The following NME7 variants were observed in gnomAD, a reference collection of about 807,000 sequenced individuals.
The protein encoded by NME7 is NME/NM23 family member 7, also known as nucleoside diphosphate kinase 7.
Under a neutral mutation model 49.1 loss-of-function variants are expected in NME7, and 41 were observed. That is an observed-to-expected ratio of 0.83 (90% confidence interval 0.65 to 1.08). NME7 has a LOEUF of 1.08. NME7 is among the 50% of genes least tolerant of loss of function. NME7 has a pLI of 0.00. For missense variants in NME7, 423 were observed against 463.4 expected (o/e 0.91, Z 0.80); for synonymous variants, 139 against 150.6 (o/e 0.92, Z 0.56).
chr1:169,359,316 G>C (rs1301089859), intron 1 of NME7, among the ~76,000 whole-genome samples: 2 of 151,068 alleles, frequency 1.3e-5, no homozygotes, highest in Non-Finnish European at 1.5e-5. Flanking sequence ...TCCTCAATTG[G>C]TTGAATCTGG....
At chr1:169,157,083 G>A (rs1659098264) in intron 11 of NME7, among the ~76,000 whole-genome samples, 1 of 152,140 alleles carries the variant, frequency 6.6e-6, no homozygotes, top group South Asian at 2.1e-4. Flanking sequence ...ACATTTTTGG[G>A]ATGCTGCAGT....
chr1:169,152,779 T>A (rs1658948817), intron 11 of NME7, among the ~76,000 whole-genome samples: 1 of 152,166 alleles, frequency 6.6e-6, no homozygotes, highest in East Asian at 1.9e-4. Context: ...CCATTACTCC[T>A]ATTATCTACT....
At chr1:169,236,022 C>G (rs867667109) in intron 8 of NME7, among the ~76,000 whole-genome samples, 27 of 151,874 alleles carry the variant, frequency 1.8e-4, no homozygotes, top group Non-Finnish European at 7.4e-5. Context: ...GGATTGAAGA[C>G]CCACTGAGAA....
intron 7 of NME7, among the ~76,000 whole-genome samples, chr1:169,270,953 G>A (rs1649471185): frequency 7.5e-6 from 1 of 133,614 alleles, no homozygotes; most frequent in South Asian, 2.3e-4. Context: ...AAACAATACT[G>A]AGAACATAAT....
intron 10 of NME7, among the ~76,000 whole-genome samples, chr1:169,222,384 A>C (rs1431640077): frequency 1.3e-5 from 2 of 152,204 alleles, no homozygotes; most frequent in Admixed American, 6.5e-5. Flanking sequence ...GAATGATTGA[A>C]GGGCAACTAT....
intron 6 of NME7, 90 bp downstream of exon 6, chr1:169,298,466 C>G (rs756482113): frequency 3.4e-5 from 45 of 1,329,254 alleles, no homozygotes; most frequent in South Asian, 4.0e-5. Context: ...ATAAATCCAC[C>G]CTAAGTCACC....
At chr1:169,184,942 G>A (rs1157770185) in intron 10 of NME7, among the ~76,000 whole-genome samples, 1 of 152,144 alleles carries the variant, frequency 6.6e-6, no homozygotes, top group Non-Finnish European at 1.5e-5. Context: ...GCTGGTGCAA[G>A]CTGACTTCAA....
At chr1:169,258,375 C>CATACATATAT (rs1197809299) in intron 7 of NME7, among the ~76,000 whole-genome samples, 8 of 86,796 alleles carry the variant, frequency 9.2e-5, no homozygotes, top group Non-Finnish European at 7.6e-5. Context: ...TAAAATAAAA[C>CATACATATAT]ATATATATAT....
At chr1:169,341,732 G>A (rs1344780638) in intron 1 of NME7, among the ~76,000 whole-genome samples, 1 of 152,126 alleles carries the variant, frequency 6.6e-6, no homozygotes. Flanking sequence ...TGTGAGACAT[G>A]GAATCAGAGG....
intron 1 of NME7, among the ~76,000 whole-genome samples, chr1:169,324,893 C>G (rs1652002250): frequency 6.6e-6 from 1 of 152,030 alleles, no homozygotes. Context: ...GGAGAGCTCT[C>G]AATTATATGA....
At chr1:169,306,844 G>A (rs547661317) in intron 4 of NME7, among the ~76,000 whole-genome samples, 3 of 152,128 alleles carry the variant, frequency 2.0e-5, no homozygotes, top group South Asian at 2.1e-4. Flanking sequence ...GCGAGACCAC[G>A]TTTTTTAAAA....
chr1:169,163,560 C>A (rs527564845), intron 11 of NME7, among the ~76,000 whole-genome samples: 76 of 152,108 alleles, frequency 5.0e-4, no homozygotes, highest in South Asian at 5.0e-3. Flanking sequence ...CTTTTGCTAG[C>A]AAAGAACCTT....
intron 7 of NME7, 105 bp downstream of exon 7, chr1:169,287,198 G>T (rs1053835111): frequency 2.1e-6 from 2 of 969,128 alleles, no homozygotes; most frequent in Non-Finnish European, 3.2e-6. Flanking sequence ...AAAAAAAATG[G>T]AAATACTAAA....
chr1:169,363,744 C>T (rs142744481), intron 1 of NME7, among the ~76,000 whole-genome samples: 248 of 152,288 alleles, frequency 1.6e-3, no homozygotes, highest in African/African-American at 5.4e-3. Flanking sequence ...TGGACTCCTC[C>T]AGATCACTGC....
At chr1:169,279,256 C>A (rs1441629906) in intron 7 of NME7, among the ~76,000 whole-genome samples, 2 of 152,216 alleles carry the variant, frequency 1.3e-5, no homozygotes, top group Non-Finnish European at 2.9e-5. Context: ...GAGGTTACCG[C>A]TGTCTTTTTG....
At chr1:169,228,450 G>C (rs550350483) in intron 10 of NME7, among the ~76,000 whole-genome samples, 5 of 151,846 alleles carry the variant, frequency 3.3e-5, no homozygotes, top group Non-Finnish European at 5.9e-5. Flanking sequence ...GGCCGAGGCG[G>C]GTGGATCATG....
chr1:169,296,602 A>C (rs942316198), intron 6 of NME7, among the ~76,000 whole-genome samples: 2 of 152,118 alleles, frequency 1.3e-5, no homozygotes, highest in Non-Finnish European at 2.9e-5. Context: ...CTGTCACACT[A>C]ATTTTTTTCA....
At chr1:169,291,813 G>A (rs983998195) in intron 6 of NME7, among the ~76,000 whole-genome samples, 4 of 152,124 alleles carry the variant, frequency 2.6e-5, no homozygotes, top group African/African-American at 9.6e-5. Flanking sequence ...TTTTAGCAAT[G>A]AAGTATTTTT....
intron 10 of NME7, among the ~76,000 whole-genome samples, chr1:169,197,542 T>G (rs1444128249): frequency 6.6e-6 from 1 of 152,062 alleles, no homozygotes; most frequent in Non-Finnish European, 1.5e-5. Context: ...AATTGAGAGC[T>G]CAGAAATAAA....
Sources: allele counts gnomAD v4.1 joint callset (sites outside exome capture counted in the v4.1 genomes callset), GRCh38; gene constraint gnomAD v4.1.1; transcripts MANE v1.5; gene names NCBI Gene and HGNC (gene_info 2026-07-23, HGNC 2026-07-21).